NEK10: variants seen among roughly 807,000 people sequenced by gnomAD.
NEK10 encodes NIMA related kinase 10.
In NEK10, 122 loss-of-function variants were observed where a neutral mutation model predicts 159.8. That is an observed-to-expected ratio of 0.76 (90% CI 0.66 to 0.89). The LOEUF (loss-of-function observed/expected upper bound fraction) is 0.89, where lower values mean the gene tolerates loss of function less well. Among genes scored for constraint, NEK10 ranks in the 40% least tolerant of loss-of-function variants. The pLI, the probability that NEK10 is intolerant of heterozygous loss-of-function variation, is 0.00. For missense variants in NEK10, 1,342 were observed against 1,323.1 expected (o/e 1.01, Z -0.22); for synonymous variants, 466 against 457.1 (o/e 1.02, Z -0.25).
rs1384934105 is a variant in NEK10, at chr3:27,262,571, T to C, written c.2015-6200A>G. On this transcript the variant is annotated intron_variant, in intron 22 of 35. Transcript: ENST00000691995. ...TCTCTAAACTTCTCTTCTCGCTTCA[T>C]TTCATTCATTTGATCTTCCATCACT... is the stretch of plus-strand genomic sequence containing the variant. Among the ~76,000 whole-genome samples, 4 of 152,350 alleles carry C rather than the reference T, an allele frequency of 2.6e-5. 1 individual carries two copies. The highest frequency in any genetic ancestry group is 4.1e-4 in the South Asian group (2 of 4,830).
At chr3:27,172,845 C>T (rs190604285) in intron 28 of NEK10, among the ~76,000 whole-genome samples, 1 of 152,162 alleles carries the variant, frequency 6.6e-6, no homozygotes, top group African/African-American at 2.4e-5. Flanking sequence ...TCTATAAACA[C>T]TCTCATATTG....
intron 26 of NEK10, among the ~76,000 whole-genome samples, chr3:27,190,326 GAA>G (rs1395814616): frequency 6.6e-6 from 1 of 152,140 alleles, no homozygotes; most frequent in African/African-American, 2.4e-5. Context: ...ACTGATAGAG[GAA>G]ATTATATGGT....
chr3:27,168,997 G>C (rs1946717717), intron 29 of NEK10, among the ~76,000 whole-genome samples: 1 of 152,112 alleles, frequency 6.6e-6, no homozygotes, highest in South Asian at 2.1e-4. Flanking sequence ...AGCTCTAAAA[G>C]ATATAGACCA....
rs565500940 is a variant in NEK10 at position 27,109,967 on chromosome 3, T to C, written c.*1305A>G. The C allele has an allele frequency of 6.6e-6, 1 of 152,280 alleles. No individual in the cohort carries two copies. Among genetic ancestry groups the C allele is most frequent in the African/African-American group, 2.4e-5 (1 of 41,542 alleles). 9.4% of individuals were successfully genotyped at this position (152,280 alleles called of 1,614,324 possible). ...TATGCTCATTTAAAAATAGTGTAGA[T>C]TTTCATACTATACAGAAAGAAGGTT... On this transcript the variant is annotated 3_prime_UTR_variant, in exon 36 of 36. Transcript: ENST00000691995.
chr3:27,127,356 C>T (rs1013494014), intron 32 of NEK10, among the ~76,000 whole-genome samples: 3 of 152,120 alleles, frequency 2.0e-5, no homozygotes, highest in Non-Finnish European at 2.9e-5. Context: ...CAACAGAAAT[C>T]CATTCTGAGA....
At chr3:27,360,680 T>C (rs562304864) in intron 1 of NEK10, among the ~76,000 whole-genome samples, 3 of 152,202 alleles carry the variant, frequency 2.0e-5, no homozygotes, top group African/African-American at 7.2e-5. Context: ...CTTCACCTCC[T>C]GGACCCTGGG....
intron 10 of NEK10, among the ~76,000 whole-genome samples, chr3:27,308,161 G>A (rs1356696966): frequency 2.0e-5 from 3 of 152,166 alleles, no homozygotes; most frequent in Non-Finnish European, 2.9e-5. Context: ...TTCTTCACAA[G>A]GCAGCAGGAA....
At chr3:27,297,111 A>G in intron 14 of NEK10, 68 bp downstream of exon 14, 2 of 950,962 alleles carry the variant, frequency 2.1e-6, no homozygotes, top group Non-Finnish European at 3.4e-6. Context: ...TGGGATACAG[A>G]CTGCACCACA....
chr3:27,248,703 T>C (rs1364593155), intron 23 of NEK10, among the ~76,000 whole-genome samples: 1 of 152,230 alleles, frequency 6.6e-6, no homozygotes, highest in African/African-American at 2.4e-5. Context: ...TTTATTCTAT[T>C]ACAGTCAGAG....
At chr3:27,119,462 A>G (rs1259899359) in intron 33 of NEK10, among the ~76,000 whole-genome samples, 2 of 152,168 alleles carry the variant, frequency 1.3e-5, no homozygotes, top group African/African-American at 4.8e-5. Context: ...GCTTTAGGGA[A>G]TTTGATTTCC....
At chr3:27,289,569 T>G (rs1477034529) in intron 19 of NEK10, among the ~76,000 whole-genome samples, 1 of 152,234 alleles carries the variant, frequency 6.6e-6, no homozygotes, top group African/African-American at 2.4e-5. Flanking sequence ...GTAAGCAATA[T>G]GTGACCAGGT....
In NEK10 at chr3:27,279,081, T is replaced by G. The variant is rs78675644; in HGVS notation, c.2014+5521A>C. 6.2e-3 allele frequency: 1,308 copies of G among 211,998 alleles called. 16 individuals are homozygous for G. The highest frequency in any genetic ancestry group is 0.056 in the East Asian group (305 of 5,432). 13.1% of individuals were successfully genotyped at this position (211,998 alleles called of 1,614,324 possible). On this transcript the variant is annotated intron_variant, in intron 22 of 35. Transcript: ENST00000691995. ...GCAAAACCAAGCATAGCAGAATATG[T>G]GAGTACTTTCTATTCTGCTTCCTCA... is the stretch of plus-strand genomic sequence containing the variant.
At chr3:27,203,558 G>A (rs1363191585) in intron 23 of NEK10, among the ~76,000 whole-genome samples, 1 of 148,740 alleles carries the variant, frequency 6.7e-6, no homozygotes, top group African/African-American at 2.4e-5. Context: ...CTAAAAAACA[G>A]AGTACTAAAA....
chr3:27,352,862 CT>C lies in NEK10; in HGVS notation c.20del (p.Lys7ArgfsTer2). 6.2e-7 allele frequency: 1 copy of C among 1,608,990 alleles called. No homozygotes were observed. Among genetic ancestry groups the C allele is most frequent in the Non-Finnish European group, 8.5e-7 (1 of 1,175,908 alleles). On this transcript the variant is annotated frameshift_variant, in exon 2 of 36. Coordinates refer to ENST00000691995, the MANE Select transcript of NEK10 (RefSeq NM_001394966.1). LOFTEE classifies it high-confidence loss of function. ...CAGTTGATTTTTCTGTGGTCTTCAC[CT>C]TTTTATCTTGATCAGGCATTGTAAA... MPDQDK[K>X]VKTTEKSTDK...
At chr3:27,240,048 T>C (rs1954377412) in intron 23 of NEK10, among the ~76,000 whole-genome samples, 1 of 152,202 alleles carries the variant, frequency 6.6e-6, no homozygotes, top group African/African-American at 2.4e-5. Context: ...TAAATGTTCC[T>C]TTTCAGGTTT....
intron 18 of NEK10, among the ~76,000 whole-genome samples, chr3:27,291,047 T>G (rs1479371080): frequency 6.6e-6 from 1 of 152,262 alleles, no homozygotes; most frequent in African/African-American, 2.4e-5. Flanking sequence ...TAATAATGCC[T>G]TTTGTCTTAA....
chr3:27,147,168 G>A (rs560259610), intron 30 of NEK10, among the ~76,000 whole-genome samples: 1 of 152,142 alleles, frequency 6.6e-6, no homozygotes. Flanking sequence ...GAACCAAGGG[G>A]GCTGAGGTCA....
intron 22 of NEK10, among the ~76,000 whole-genome samples, chr3:27,258,490 G>T (rs537892280): frequency 6.6e-6 from 1 of 151,564 alleles, no homozygotes; most frequent in Non-Finnish European, 1.5e-5. Context: ...TTGTTCTTGC[G>T]ATAGTTTGCT....
intron 22 of NEK10, among the ~76,000 whole-genome samples, chr3:27,272,589 C>T (rs891020526): frequency 2.6e-5 from 4 of 152,128 alleles, no homozygotes; most frequent in African/African-American, 9.7e-5. Flanking sequence ...CAGGCCCCCA[C>T]TTATGTACCA....
Sources: gnomAD v4.1 joint callset for allele counts (sites outside exome capture counted in the v4.1 genomes callset) on GRCh38, gnomAD v4.1.1 for gene constraint, MANE v1.5 for transcripts, NCBI Gene and HGNC (gene_info 2026-07-23, HGNC 2026-07-21) for gene names.